Variants in CEP85L observed in about 807,000 individuals in gnomAD.
CEP85L encodes centrosomal protein 85L.
CEP85L carries 60 observed loss-of-function variants against 100.3 expected under a neutral mutation model. That is an observed-to-expected ratio of 0.60 (90% CI 0.49 to 0.74). The LOEUF (loss-of-function observed/expected upper bound fraction) is 0.74, where lower values mean the gene tolerates loss of function less well. Ranked by LOEUF, CEP85L falls within the 30% of genes least tolerant of loss-of-function variation. The pLI is 0.00. For missense variants in CEP85L, 973 were observed against 936.2 expected (o/e 1.04, Z -0.51); for synonymous variants, 319 against 322.7 (o/e 0.99, Z 0.12).
At position 118,570,133 on chromosome 6, in the gene CEP85L, A is replaced by G. The variant is rs547738673; in HGVS notation, c.233-3817T>C. Reference sequence around the variant, plus strand: ...GCAGAGAAAAGATCCGAAAGAATACACACAAAACTTAATAAACAAAGGTAA... The same window carrying G: ...GCAGAGAAAAGATCCGAAAGAATACGCACAAAACTTAATAAACAAAGGTAA... On this transcript the variant is annotated intron_variant, in intron 2 of 12. Coordinates refer to ENST00000368491, the MANE Select transcript of CEP85L (RefSeq NM_001042475.3). Among the ~76,000 whole-genome samples the G allele has an allele frequency of 8.5e-5, 13 of 152,318 alleles. No individual in the cohort carries two copies. The South Asian group carries it at 2.7e-3, about 32-fold the overall frequency.
intron 2 of CEP85L, among the ~76,000 whole-genome samples, chr6:118,576,778 T>C (rs1227736662): frequency 6.6e-6 from 1 of 152,152 alleles, no homozygotes. Flanking sequence ...AATCTAATCA[T>C]TGCAATCCAG....
At chr6:118,513,341 C>T (rs1269387150) in intron 4 of CEP85L, among the ~76,000 whole-genome samples, 1 of 151,942 alleles carries the variant, frequency 6.6e-6, no homozygotes, top group Non-Finnish European at 1.5e-5. Context: ...GAACTATACA[C>T]CCATAGGTTC....
At chr6:118,581,643 C>T (rs1050652219) in intron 2 of CEP85L, among the ~76,000 whole-genome samples, 8 of 151,972 alleles carry the variant, frequency 5.3e-5, no homozygotes, top group Non-Finnish European at 1.0e-4. Flanking sequence ...AGAGGAATGC[C>T]CCCTACTGTT....
At chr6:118,481,959 T>C (rs9481812) in intron 7 of CEP85L, 26 bp from the exon 8 acceptor site, 28,623 of 1,438,530 alleles carry the variant, frequency 0.02, 380 homozygotes, top group African/African-American at 0.055. Context: ...TTACAGTTCA[T>C]TACACATGAA....
Position 118,469,093 on chromosome 6 carries a change from A to AAAG in CEP85L, c.2230_2232dup (p.Leu744dup). 6.2e-7 allele frequency: 1 copy of AAAG among 1,612,910 alleles called. No individual in the cohort carries two copies. Among genetic ancestry groups the AAAG allele is most frequent in the Non-Finnish European group, 8.5e-7 (1 of 1,178,928 alleles). Reference sequence around the variant, plus strand: ...TTACATCTTATTCCCAGTAATAATGAAAGATTAGGCTCCTTGCCCTGAGCA... The same window carrying AAAG: ...TTACATCTTATTCCCAGTAATAATGAAAGAAGATTAGGCTCCTTGCCCTGAGCA... On this transcript the variant is annotated inframe_insertion, in exon 12 of 13. Transcript: ENST00000368491.
intron 2 of CEP85L, among the ~76,000 whole-genome samples, chr6:118,604,980 CAATT>C (rs1348394445): frequency 6.6e-6 from 1 of 152,080 alleles, no homozygotes; most frequent in African/African-American, 2.4e-5. Flanking sequence ...CTAAGCCAAT[CAATT>C]AGAGCTCTTT....
intron 5 of CEP85L, chr6:118,502,850 C>A: frequency 3.3e-6 from 2 of 610,106 alleles, no homozygotes; most frequent in South Asian, 1.6e-5. Context: ...CATTCCTTCC[C>A]CTGTCATGGA....
intron 2 of CEP85L, among the ~76,000 whole-genome samples, chr6:118,592,581 T>C (rs1781252233): frequency 6.6e-6 from 1 of 152,150 alleles, no homozygotes; most frequent in Non-Finnish European, 1.5e-5. Context: ...CATAGTATTA[T>C]TCACCAATGA....
chr6:118,654,213 G>C (rs567611203), upstream of CEP85L, among the ~76,000 whole-genome samples: 33 of 152,314 alleles, frequency 2.2e-4, no homozygotes, highest in South Asian at 6.4e-3. Flanking sequence ...AGGAGTTGGA[G>C]GCTGTAGTGA....
At chr6:118,484,965 T>G (rs1311851534) in intron 6 of CEP85L, among the ~76,000 whole-genome samples, 3 of 152,184 alleles carry the variant, frequency 2.0e-5, no homozygotes, top group Non-Finnish European at 2.9e-5. Flanking sequence ...AAAATAAAGG[T>G]GTCTTACTAT....
intron 3 of CEP85L, among the ~76,000 whole-genome samples, chr6:118,533,480 CA>C (rs34447280): frequency 0.67 from 102,126 of 151,688 alleles, 35,058 homozygotes; most frequent in Middle Eastern, 0.74. Flanking sequence ...TAAAAGCTCC[CA>C]AAAAAATCTC....
intron 10 of CEP85L, among the ~76,000 whole-genome samples, chr6:118,479,164 C>T (rs773950625): frequency 9.2e-4 from 140 of 152,100 alleles, no homozygotes; most frequent in Non-Finnish European, 1.6e-3. Flanking sequence ...CTCTGTCAAT[C>T]AATCCATCAG....
chr6:118,627,242 G>A (rs1440181626), intron 2 of CEP85L, among the ~76,000 whole-genome samples: 1 of 149,188 alleles, frequency 6.7e-6, no homozygotes, highest in East Asian at 2.0e-4. Context: ...TTAAAACACA[G>A]GTAAAAGGCA....
At chr6:118,495,297 C>T (rs760535810) in intron 5 of CEP85L, among the ~76,000 whole-genome samples, 2 of 152,012 alleles carry the variant, frequency 1.3e-5, no homozygotes, top group Admixed American at 6.6e-5. Context: ...TGGAATGACA[C>T]GGTTTGGTTG....
chr6:118,690,615 G>C (rs1262454242), intron 1 of CEP85L, among the ~76,000 whole-genome samples: 3 of 152,184 alleles, frequency 2.0e-5, no homozygotes, highest in Non-Finnish European at 4.4e-5. Context: ...CTTTTCATTG[G>C]GATTGCTCTA....
At chr6:118,525,969 T>C (rs1172078243) in intron 3 of CEP85L, among the ~76,000 whole-genome samples, 1 of 152,248 alleles carries the variant, frequency 6.6e-6, no homozygotes, top group Non-Finnish European at 1.5e-5. Context: ...CAGTCACAGA[T>C]TAACTCTTTG....
At chr6:118,474,431 T>A (rs1773196303) in intron 10 of CEP85L, among the ~76,000 whole-genome samples, 1 of 152,180 alleles carries the variant, frequency 6.6e-6, no homozygotes. Context: ...ACATTTATCA[T>A]CCTAGCAAAG....
At chr6:118,560,930 A>G (rs1183577920) in intron 3 of CEP85L, among the ~76,000 whole-genome samples, 2 of 152,226 alleles carry the variant, frequency 1.3e-5, no homozygotes, top group African/African-American at 4.8e-5. Context: ...TTACTAATAT[A>G]ACTATTATTA....
chr6:118,575,540 C>T (rs1337958325), intron 2 of CEP85L, among the ~76,000 whole-genome samples: 4 of 152,152 alleles, frequency 2.6e-5, no homozygotes, highest in African/African-American at 9.7e-5. Context: ...CTTTAGATCA[C>T]CTTCCCCCGC....
Sources: gnomAD v4.1 joint callset for allele counts (sites outside exome capture counted in the v4.1 genomes callset) on GRCh38, gnomAD v4.1.1 for gene constraint, MANE v1.5 for transcripts, NCBI Gene and HGNC (gene_info 2026-07-23, HGNC 2026-07-21) for gene names.